RBFOX3: variants seen among roughly 807,000 people sequenced by gnomAD.
RBFOX3 encodes the protein RNA binding protein fox-1 homolog 3.
In RBFOX3, 17 loss-of-function variants were observed where a neutral mutation model predicts 48.7. The ratio of observed to expected loss-of-function variants is 0.35; its 90% CI spans 0.24 to 0.52. The LOEUF (loss-of-function observed/expected upper bound fraction) is 0.52. Among genes scored for constraint, RBFOX3 ranks in the 20% least tolerant of loss-of-function variants. The probability of loss-of-function intolerance (pLI) is 0.94; values close to 1 mark genes in which losing one functional copy is unlikely to be tolerated. For synonymous variants in RBFOX3, 212 were observed against 209.5 expected, an observed-to-expected ratio of 1.01 and a Z score of -0.10; for missense variants, 382 against 497.5, an observed-to-expected ratio of 0.77 and a Z score of 2.21.
chr17:79,308,373 T>A (rs1224567411), intron 2 of RBFOX3, among the ~76,000 whole-genome samples: 1 of 152,188 alleles, frequency 6.6e-6, no homozygotes, highest in Non-Finnish European at 1.5e-5. Context: ...TGTTTTCTCA[T>A]CAGACCCCAT....
intron 2 of RBFOX3, among the ~76,000 whole-genome samples, chr17:79,325,664 C>T (rs1162006050): frequency 3.9e-5 from 6 of 152,172 alleles, no homozygotes; most frequent in African/African-American, 9.7e-5. Flanking sequence ...ACAAAAAGCA[C>T]AACCAAAATG....
chr17:79,389,976 GGGTCTCCGCAGCCTCCA>G (rs58097500), intron 2 of RBFOX3, among the ~76,000 whole-genome samples: 100,247 of 139,380 alleles, frequency 0.72, 36,911 homozygotes, highest in Middle Eastern at 0.77. Flanking sequence ...TGTAGCCTCC[GGGTCTCCGCAGCCTCCA>G]GGTCTCCGCA....
chr17:79,551,498 G>A (rs1414079006), intron 1 of RBFOX3, among the ~76,000 whole-genome samples: 1 of 141,762 alleles, frequency 7.1e-6, no homozygotes, highest in Non-Finnish European at 1.6e-5. Flanking sequence ...CGGGTGGGTG[G>A]ATGGACGGGT....
intron 4 of RBFOX3, among the ~76,000 whole-genome samples, chr17:79,149,319 A>G (rs551855140): frequency 6.6e-6 from 1 of 152,164 alleles, no homozygotes; most frequent in Non-Finnish European, 1.5e-5. Flanking sequence ...AGCCACGGGG[A>G]GCCCAGATGC....
intron 3 of RBFOX3, among the ~76,000 whole-genome samples, chr17:79,262,214 G>A (rs755168530): frequency 1.6e-4 from 25 of 152,174 alleles, no homozygotes; most frequent in Non-Finnish European, 3.2e-4. Context: ...CCGAGATGCG[G>A]CGGTTCTGAG....
At chr17:79,563,680 CTT>C (rs1283369119) in intron 1 of RBFOX3, among the ~76,000 whole-genome samples, 1 of 152,182 alleles carries the variant, frequency 6.6e-6, no homozygotes, top group Non-Finnish European at 1.5e-5. Context: ...TTCTCTTGCT[CTT>C]TTTTCTTGGC....
intron 1 of RBFOX3, among the ~76,000 whole-genome samples, chr17:79,501,066 C>T (rs2082316841): frequency 6.6e-6 from 1 of 152,224 alleles, no homozygotes; most frequent in African/African-American, 2.4e-5. Flanking sequence ...GGATTCCGCA[C>T]AGCGCACGTG....
chr17:79,135,461 T>C (rs890483907), intron 4 of RBFOX3, among the ~76,000 whole-genome samples: 4 of 152,194 alleles, frequency 2.6e-5, no homozygotes, highest in Non-Finnish European at 1.5e-5. Flanking sequence ...GACACAGGGA[T>C]GCTCCCTGGG....
At chr17:79,222,418 G>A (rs147220704) in intron 4 of RBFOX3, among the ~76,000 whole-genome samples, 1 of 152,204 alleles carries the variant, frequency 6.6e-6, no homozygotes, top group Non-Finnish European at 1.5e-5. Context: ...TCTAAGCTGG[G>A]ATGGCAGGAC....
At chr17:79,466,874 G>GTGGT (rs1555754053) in intron 2 of RBFOX3, among the ~76,000 whole-genome samples, 1 of 152,108 alleles carries the variant, frequency 6.6e-6, no homozygotes, top group Non-Finnish European at 1.5e-5. Flanking sequence ...CACACGACCA[G>GTGGT]GTGTGAAGAG....
At chr17:79,440,263 G>A (rs181492186) in intron 2 of RBFOX3, among the ~76,000 whole-genome samples, 2 of 152,352 alleles carry the variant, frequency 1.3e-5, no homozygotes, top group Middle Eastern at 3.4e-3. Context: ...GCTGTCCTGC[G>A]GACGGGCCGT....
intron 1 of RBFOX3, among the ~76,000 whole-genome samples, chr17:79,548,321 C>T (rs1323817725): frequency 6.6e-6 from 1 of 152,178 alleles, no homozygotes; most frequent in Non-Finnish European, 1.5e-5. Context: ...GGACACACCC[C>T]CACCTCACCC....
chr17:79,639,324 A>C, the RBFOX3 span, among the ~76,000 whole-genome samples: 17 of 151,892 alleles, frequency 1.1e-4, no homozygotes, highest in Admixed American at 6.6e-4. Context: ...ACAGGCACCC[A>C]CCACCGCGCC....
At chr17:79,404,378 G>C (rs1237014850) in intron 2 of RBFOX3, among the ~76,000 whole-genome samples, 1 of 152,232 alleles carries the variant, frequency 6.6e-6, no homozygotes, top group African/African-American at 2.4e-5. Context: ...GATGCAAGGA[G>C]TTGGGACCAG....
chr17:79,277,231 AC>A (rs1477657368), intron 3 of RBFOX3, among the ~76,000 whole-genome samples: 2 of 133,200 alleles, frequency 1.5e-5, no homozygotes, highest in Non-Finnish European at 3.1e-5. Context: ...GTTCTGCCCC[AC>A]CTGCCTGGCT....
chr17:79,348,613 T>A lies in RBFOX3; in HGVS notation c.-174-40789A>T, dbSNP rs1185521572. On this transcript the variant is annotated intron_variant, in intron 2 of 14. Coordinates refer to ENST00000693108, the MANE Select transcript of RBFOX3 (RefSeq NM_001350451.2). Reference sequence around the variant, plus strand: ...TTTTTTTTTTGAGACAGAGTTTCACTCTTTTTAAACAGGCTGGAGTGCAGT... The same window carrying A: ...TTTTTTTTTTGAGACAGAGTTTCACACTTTTTAAACAGGCTGGAGTGCAGT... Among the ~76,000 whole-genome samples, 3 of 120,514 alleles carry A rather than the reference T, an allele frequency of 2.5e-5. No individual in the cohort carries two copies. The Admixed American group carries it at 3.0e-4, about 12-fold the overall frequency. The allele number at this position is 120,514 out of a possible 152,430, so 79.1% of individuals were successfully genotyped here. A position where few individuals can be genotyped will look rare whatever the true frequency, so the allele number is the denominator to read the frequency against.
chr17:79,626,108 C>A, the RBFOX3 span, among the ~76,000 whole-genome samples: 1 of 152,058 alleles, frequency 6.6e-6, no homozygotes, highest in Admixed American at 6.6e-5. Flanking sequence ...ATCCTGTTTT[C>A]TCATAGTTTA....
upstream of RBFOX3, among the ~76,000 whole-genome samples, chr17:79,611,173 TCCGCC>T (rs1423432975): frequency 1.0e-3 from 27 of 25,974 alleles, no homozygotes; most frequent in African/African-American, 4.3e-3. Flanking sequence ...TCTCTCTCTC[TCCGCC>T]CTCCTTCTCT....
At chr17:79,231,214 T>C (rs2061000239) in intron 4 of RBFOX3, among the ~76,000 whole-genome samples, 1 of 152,154 alleles carries the variant, frequency 6.6e-6, no homozygotes, top group Admixed American at 6.5e-5. Context: ...GAAAGAGCTC[T>C]ACAGATACTA....
Sources: allele counts gnomAD v4.1 joint callset (sites outside exome capture counted in the v4.1 genomes callset), GRCh38; gene constraint gnomAD v4.1.1; transcripts MANE v1.5; gene names NCBI Gene and HGNC (gene_info 2026-07-23, HGNC 2026-07-21).